Variants in PLCB4 observed in about 807,000 individuals in gnomAD.
The protein encoded by PLCB4 is phospholipase C beta 4, also known as 1-phosphatidylinositol 4,5-bisphosphate phosphodiesterase beta-4.
PLCB4 carries 77 observed loss-of-function variants against 178.8 expected under a neutral mutation model. That is an observed-to-expected ratio of 0.43 (90% CI 0.36 to 0.52). The LOEUF (loss-of-function observed/expected upper bound fraction) is 0.52. PLCB4 is among the 20% of genes least tolerant of loss of function. The probability of loss-of-function intolerance (pLI) is 0.00; values close to 1 mark genes in which losing one functional copy is unlikely to be tolerated. For missense variants in PLCB4, 1,024 were observed against 1,453.4 expected (o/e 0.70, Z 4.80); for synonymous variants, 496 against 490.8 (o/e 1.01, Z -0.14).
chr20:9,316,186 G>GCAC (rs1369217411), intron 4 of PLCB4, among the ~76,000 whole-genome samples: 1 of 152,082 alleles, frequency 6.6e-6, no homozygotes, highest in Non-Finnish European at 1.5e-5. Context: ...AGCATCATCA[G>GCAC]CACCACCCAG....
intron 1 of PLCB4, among the ~76,000 whole-genome samples, chr20:9,080,266 T>C (rs1272160069): frequency 6.6e-6 from 1 of 152,182 alleles, no homozygotes; most frequent in Admixed American, 6.5e-5. Flanking sequence ...TGAAGTCTGC[T>C]CTTTGGTTTG....
At chr20:9,258,829 G>A (rs1039745896) in intron 3 of PLCB4, among the ~76,000 whole-genome samples, 2 of 151,774 alleles carry the variant, frequency 1.3e-5, no homozygotes, top group African/African-American at 4.8e-5. Flanking sequence ...CAGACATACT[G>A]CACATTTACC....
chr20:9,300,332 T>G (rs895818848), intron 3 of PLCB4, among the ~76,000 whole-genome samples: 4 of 152,192 alleles, frequency 2.6e-5, no homozygotes, highest in African/African-American at 9.6e-5. Flanking sequence ...GGGATTAATT[T>G]GTTATGGAAA....
intron 3 of PLCB4, among the ~76,000 whole-genome samples, chr20:9,293,082 A>T (rs1390128196): frequency 6.6e-6 from 1 of 151,422 alleles, no homozygotes; most frequent in African/African-American, 2.4e-5. Flanking sequence ...CAAGAAAGAA[A>T]GAAAGAAAGA....
At chr20:9,104,442 G>A (rs972759554) in intron 2 of PLCB4, among the ~76,000 whole-genome samples, 3 of 152,150 alleles carry the variant, frequency 2.0e-5, no homozygotes, top group Non-Finnish European at 4.4e-5. Context: ...AACTGGAGAA[G>A]TGTCAAAGAA....
At chr20:9,131,299 GCTTC>G (rs2092266799) in intron 2 of PLCB4, among the ~76,000 whole-genome samples, 1 of 150,080 alleles carries the variant, frequency 6.7e-6, no homozygotes, top group South Asian at 2.1e-4. Context: ...TTCCTTCCTT[GCTTC>G]CTTCCTTCTT....
chr20:9,412,789 G>A (rs1474567635), intron 25 of PLCB4, among the ~76,000 whole-genome samples: 1 of 152,110 alleles, frequency 6.6e-6, no homozygotes, highest in Non-Finnish European at 1.5e-5. Flanking sequence ...CCATCTGCTG[G>A]CGCTCACCTT....
At chr20:9,233,843 GTTGT>G (rs1453926298) in intron 3 of PLCB4, among the ~76,000 whole-genome samples, 1 of 152,030 alleles carries the variant, frequency 6.6e-6, no homozygotes, top group African/African-American at 2.4e-5. Context: ...TTTCTTGTTT[GTTGT>G]TTGTTTGTTT....
At position 9,389,908 on chromosome 20, in the gene PLCB4, A is replaced by G; in HGVS notation, c.1188A>G (p.Ala396=). ...TAATTCAAGCCATCAAGGAAACTGC[A>G]TTTGTCACATCAGAATATCCTGTAA... ...KDVIQAIKET[A]FVTSEYPVIL... is the part of the protein sequence containing the mutation. Residue 396 remains alanine (A), a synonymous_variant, in exon 16 of 40, where the codon GCA becomes GCG. Coordinates refer to ENST00000378473, the MANE Select transcript of PLCB4 (RefSeq NM_001377142.1). The G allele has an allele frequency of 2.5e-6, 4 of 1,586,596 alleles. No individual in the cohort carries two copies. The highest frequency in any genetic ancestry group is 3.5e-6 in the Non-Finnish European group (4 of 1,157,848).
At position 9,180,378 on chromosome 20, in the gene PLCB4, C is replaced by T. The variant is rs574757680; in HGVS notation, c.-78-37012C>T. Among the ~76,000 whole-genome samples the T allele has an allele frequency of 9.2e-5, 14 of 152,252 alleles. No individual in the cohort carries two copies. The South Asian group carries it at 2.7e-3, about 29-fold the overall frequency. Reference sequence around the variant, plus strand: ...TAAATCTCACAAGTAGAATCAGCCTCTTGATGGGGGATTTTTCCATTATAA... The same window carrying T: ...TAAATCTCACAAGTAGAATCAGCCTTTTGATGGGGGATTTTTCCATTATAA... On this transcript the variant is annotated intron_variant, in intron 2 of 39. Coordinates refer to ENST00000378473, the MANE Select transcript of PLCB4 (RefSeq NM_001377142.1).
chr20:9,300,502 C>A (rs79085329), intron 3 of PLCB4, among the ~76,000 whole-genome samples: 4,592 of 152,198 alleles, frequency 0.03, 195 homozygotes, highest in African/African-American at 0.096. Flanking sequence ...AAATGAAGAA[C>A]ACCTTGTTTG....
At chr20:9,416,880 CTT>C (rs752996229) in intron 25 of PLCB4, among the ~76,000 whole-genome samples, 2 of 152,072 alleles carry the variant, frequency 1.3e-5, no homozygotes, top group Non-Finnish European at 2.9e-5. Flanking sequence ...ATTTTTAACA[CTT>C]TGTTTTTTGT....
rs191462872 is a variant in PLCB4 at position 9,255,373 on chromosome 20, G to A, written c.-16+37921G>A. 1.4e-4 allele frequency among the ~76,000 whole-genome samples: 22 copies of A among 152,252 alleles called. No individual in the cohort carries two copies. The East Asian group carries it at 3.7e-3, about 25-fold the overall frequency. ...CCTCAGCCAATAGGATTTTGTAGGC[G>A]TGCTGGGCTTTTAGACATTAAAGAA... is the stretch of plus-strand genomic sequence containing the variant. On this transcript the variant is annotated intron_variant, in intron 3 of 39. Coordinates refer to ENST00000378473, the MANE Select transcript of PLCB4 (RefSeq NM_001377142.1).
chr20:9,424,855 A>G (rs1274549444), intron 28 of PLCB4, among the ~76,000 whole-genome samples: 4 of 152,102 alleles, frequency 2.6e-5, no homozygotes, highest in African/African-American at 9.7e-5. Flanking sequence ...ACACATCACT[A>G]TTTTATCTGG....
At chr20:9,333,130 G>A (rs2031942117) in intron 4 of PLCB4, among the ~76,000 whole-genome samples, 1 of 152,108 alleles carries the variant, frequency 6.6e-6, no homozygotes, top group Admixed American at 6.6e-5. Context: ...ATATTGGCCT[G>A]CTGCAAAATC....
chr20:9,281,939 C>T (rs934352267), intron 3 of PLCB4, among the ~76,000 whole-genome samples: 1 of 151,850 alleles, frequency 6.6e-6, no homozygotes, highest in Non-Finnish European at 1.5e-5. Context: ...AAAATACAGC[C>T]AAATGTTGTA....
rs558553037 is a variant in PLCB4 at position 9,352,740 on chromosome 20, C to T, written c.370-10156C>T. 2.0e-5 allele frequency among the ~76,000 whole-genome samples: 3 copies of T among 152,278 alleles called. No individual in the cohort carries two copies. The East Asian group carries it at 5.8e-4, about 29-fold the overall frequency. On this transcript the variant is annotated intron_variant, in intron 7 of 39. Coordinates refer to ENST00000378473, the MANE Select transcript of PLCB4 (RefSeq NM_001377142.1). ...CTCATAGATGGCAGCTTATTTCTTG[C>T]ACAAATACTCATTCACCATGCTCTG...
intron 27 of PLCB4, among the ~76,000 whole-genome samples, chr20:9,422,362 G>A (rs62194841): frequency 0.087 from 13,282 of 152,080 alleles, 908 homozygotes; most frequent in East Asian, 0.24. Context: ...TTAAGTTTAC[G>A]CTGGGATCCA....
At chr20:9,130,024 G>A (rs1031582466) in intron 2 of PLCB4, among the ~76,000 whole-genome samples, 1 of 152,018 alleles carries the variant, frequency 6.6e-6, no homozygotes, top group Middle Eastern at 3.4e-3. Context: ...TCTGTGTATT[G>A]TATTTTTAAT....
Sources: gnomAD v4.1 joint callset for allele counts (sites outside exome capture counted in the v4.1 genomes callset) on GRCh38, gnomAD v4.1.1 for gene constraint, MANE v1.5 for transcripts, NCBI Gene and HGNC (gene_info 2026-07-23, HGNC 2026-07-21) for gene names.